Variants in RTN4 observed in about 807,000 individuals in gnomAD.
RTN4 encodes reticulon 4, also known as reticulon-4.
A neutral mutation model predicts 90.4 loss-of-function variants in RTN4; 32 were observed. The observed-to-expected ratio is 0.35, with a 90% CI of 0.27 to 0.48. RTN4 has a LOEUF of 0.48. Ranked by LOEUF, RTN4 falls within the 20% of genes least tolerant of loss-of-function variation. The pLI is 0.99. For missense variants in RTN4, 1,706 were observed against 1,430.2 expected (o/e 1.19, Z -3.11); for synonymous variants, 629 against 552.5 (o/e 1.14, Z -1.94).
intron 1 of RTN4, among the ~76,000 whole-genome samples, chr2:55,028,981 T>G (rs962207110): frequency 6.6e-6 from 1 of 152,152 alleles, no homozygotes; most frequent in East Asian, 1.9e-4. Context: ...ACAAAACTCA[T>G]GTTAAAGCCC....
chr2:54,975,812 AC>A (rs1252444232), intron 5 of RTN4, among the ~76,000 whole-genome samples: 1 of 152,262 alleles, frequency 6.6e-6, no homozygotes, highest in Non-Finnish European at 1.5e-5. Flanking sequence ...CTACCAAGCA[AC>A]AGTTCTACAA....
At chr2:55,059,631 C>T (rs1668254023) in intron 2 of RTN4, among the ~76,000 whole-genome samples, 2 of 151,908 alleles carry the variant, frequency 1.3e-5, no homozygotes, top group African/African-American at 4.8e-5. Context: ...GTCAGGAGTT[C>T]GAGACCAGCC....
At chr2:55,112,397 GT>G (rs1411785758) in intron 1 of RTN4, 1 of 152,266 alleles carries the variant, frequency 6.6e-6, no homozygotes, top group Non-Finnish European at 1.5e-5. Context: ...AGACTGTGGG[GT>G]TAGGGGTCTA....
intron 3 of RTN4, among the ~76,000 whole-genome samples, chr2:55,004,574 G>A (rs189156116): frequency 6.6e-6 from 1 of 152,162 alleles, no homozygotes; most frequent in East Asian, 1.9e-4. Flanking sequence ...GAAAAGTGGG[G>A]GAATCCTTTT....
Position 55,030,862 on chromosome 2 carries a change from C to T in RTN4, c.557-2642G>A, listed in dbSNP as rs538992829. Among the ~76,000 whole-genome samples, 7 of 152,226 alleles carry T rather than the reference C, an allele frequency of 4.6e-5. No homozygotes were observed. The East Asian group carries it at 7.7e-4, about 17-fold the overall frequency. On this transcript the variant is annotated intron_variant, in intron 1 of 8. Coordinates refer to ENST00000337526, the MANE Select transcript of RTN4 (RefSeq NM_020532.5). ...TTAGTTCTCCTGAAACAAGGTAAAT[C>T]GTCACCCAGTAAATACCTTGTAATT...
At chr2:55,120,193 T>C in the RTN4 span, among the ~76,000 whole-genome samples, 1 of 152,176 alleles carries the variant, frequency 6.6e-6, no homozygotes, top group Non-Finnish European at 1.5e-5. Flanking sequence ...AAAGCAACCC[T>C]GTGTCACCCC....
chr2:55,035,168 A>G (rs1000064918), intron 1 of RTN4, among the ~76,000 whole-genome samples: 1 of 152,216 alleles, frequency 6.6e-6, no homozygotes, highest in Non-Finnish European at 1.5e-5. Flanking sequence ...AGGCCCCACT[A>G]CCAATGAGCT....
intron 1 of RTN4, among the ~76,000 whole-genome samples, chr2:55,089,585 G>A (rs751479943): frequency 1.3e-5 from 2 of 152,320 alleles, no homozygotes; most frequent in South Asian, 2.1e-4. Context: ...AAAATTCAGC[G>A]TTTAAGGGAC....
the RTN4 span, among the ~76,000 whole-genome samples, chr2:55,133,563 T>G: frequency 6.6e-6 from 1 of 152,322 alleles, no homozygotes; most frequent in Admixed American, 6.5e-5. Context: ...AGAACTACTG[T>G]TCCTCACAAG....
At chr2:55,062,033 C>G (rs542815195) in intron 2 of RTN4, among the ~76,000 whole-genome samples, 1 of 152,234 alleles carries the variant, frequency 6.6e-6, no homozygotes, top group South Asian at 2.1e-4. Flanking sequence ...GTCAAGAGCA[C>G]GTCAAGAGCA....
At chr2:55,003,931 T>G (rs1164280092) in intron 3 of RTN4, among the ~76,000 whole-genome samples, 1 of 152,124 alleles carries the variant, frequency 6.6e-6, no homozygotes, top group Non-Finnish European at 1.5e-5. Context: ...GGTGGAGGGC[T>G]GGAAATAATC....
rs533601582 is a variant in RTN4 at position 55,104,707 on chromosome 2, T to C, written c.-214+7813A>G. ...GAAGAGACATCCATTCCTTCCTATT[T>C]TTCTTGCTGAGCATTGGGAAATAAT... On this transcript the variant is annotated intron_variant, in intron 1 of 3. Coordinates refer to the RTN4 transcript ENST00000427710. Among the ~76,000 whole-genome samples the C allele has an allele frequency of 1.1e-3, 162 of 152,234 alleles. 2 individuals carry two copies. Among genetic ancestry groups the C allele is most frequent in the African/African-American group, 3.7e-3 (153 of 41,486 alleles).
chr2:55,018,970 G>T (rs752366389), intron 3 of RTN4, among the ~76,000 whole-genome samples: 1 of 152,200 alleles, frequency 6.6e-6, no homozygotes, highest in African/African-American at 2.4e-5. Context: ...GACACGGTAA[G>T]CATAAAATAG....
chr2:55,028,456 G>T (rs940404013), intron 1 of RTN4, among the ~76,000 whole-genome samples: 14 of 152,060 alleles, frequency 9.2e-5, no homozygotes, highest in South Asian at 2.1e-4. Context: ...TTTTCAAGAG[G>T]CAATACAACC....
chr2:55,005,079 G>A (rs1484910212), intron 3 of RTN4, among the ~76,000 whole-genome samples: 4 of 152,168 alleles, frequency 2.6e-5, no homozygotes, highest in Admixed American at 6.6e-5. Context: ...TGTGGCTAGC[G>A]ACAGGGAGTA....
chr2:55,081,356 T>A (rs536296774), intron 1 of RTN4, among the ~76,000 whole-genome samples: 1 of 152,036 alleles, frequency 6.6e-6, no homozygotes, highest in Non-Finnish European at 1.5e-5. Context: ...GGATTACAGG[T>A]ATGAGCCACC....
At chr2:55,124,685 C>T in the RTN4 span, among the ~76,000 whole-genome samples, 1 of 152,110 alleles carries the variant, frequency 6.6e-6, no homozygotes, top group Non-Finnish European at 1.5e-5. Flanking sequence ...AAACTACCAA[C>T]AATCTTCACA....
At chr2:55,121,603 A>T in the RTN4 span, among the ~76,000 whole-genome samples, 3 of 152,348 alleles carry the variant, frequency 2.0e-5, no homozygotes, top group East Asian at 1.9e-4. Flanking sequence ...TCTGGGAAGC[A>T]TGACAGATCC....
At chr2:55,086,743 C>T (rs1190639851) in intron 1 of RTN4, among the ~76,000 whole-genome samples, 7 of 152,024 alleles carry the variant, frequency 4.6e-5, no homozygotes, top group Non-Finnish European at 7.4e-5. Flanking sequence ...GGCCCCCTTT[C>T]AGCCATCATC....
Sources: allele counts gnomAD v4.1 joint callset (sites outside exome capture counted in the v4.1 genomes callset), GRCh38; gene constraint gnomAD v4.1.1; transcripts MANE v1.5; gene names NCBI Gene and HGNC (gene_info 2026-07-23, HGNC 2026-07-21).